Variants in FUT9 observed in about 807,000 individuals in gnomAD.
FUT9 encodes fucosyltransferase 9, also known as 4-galactosyl-N-acetylglucosaminide 3-alpha-L-fucosyltransferase 9.
In FUT9, 15 loss-of-function variants were observed where a neutral mutation model predicts 29.7. The observed-to-expected ratio is 0.51, with a 90% CI of 0.34 to 0.78. The LOEUF (loss-of-function observed/expected upper bound fraction) is 0.78. Among genes scored for constraint, FUT9 ranks in the 30% least tolerant of loss-of-function variants. The pLI, the probability that FUT9 is intolerant of heterozygous loss-of-function variation, is 0.01. For missense variants in FUT9, 319 were observed against 425.4 expected, an observed-to-expected ratio of 0.75 and a Z score of 2.20; for synonymous variants, 169 against 153.7, an observed-to-expected ratio of 1.10 and a Z score of -0.74.
chr6:96,019,891 C>G (rs1262582829), intron 1 of FUT9, among the ~76,000 whole-genome samples: 2 of 152,082 alleles, frequency 1.3e-5, no homozygotes, highest in Non-Finnish European at 2.9e-5. Context: ...AAATCCTGTT[C>G]TCCTGATTCC....
chr6:96,148,341 C>T (rs1287723645), intron 2 of FUT9, among the ~76,000 whole-genome samples: 4 of 152,192 alleles, frequency 2.6e-5, no homozygotes, highest in African/African-American at 7.2e-5. Context: ...TTGATTCTAA[C>T]AGCTCCACGT....
At position 96,147,265 on chromosome 6, in the gene FUT9, G is replaced by A. The variant is rs187122762; in HGVS notation, c.-9+33138G>A. Among the ~76,000 whole-genome samples, 196 of 151,268 alleles carry A rather than the reference G, an allele frequency of 1.3e-3. 1 individual carries two copies. Among genetic ancestry groups the A allele is most frequent in the African/African-American group, 4.5e-3 (185 of 41,164 alleles). On this transcript the variant is annotated intron_variant, in intron 2 of 2. Coordinates refer to ENST00000302103, the MANE Select transcript of FUT9 (RefSeq NM_006581.4). Reference sequence around the variant, plus strand: ...CAACCTCCACCTTCCGGGTTCAAGCGATTCTCCTGCCTCAGCTTCCGAGTA... The same window carrying A: ...CAACCTCCACCTTCCGGGTTCAAGCAATTCTCCTGCCTCAGCTTCCGAGTA...
chr6:96,161,571 G>T (rs1454043023), intron 2 of FUT9, among the ~76,000 whole-genome samples: 1 of 152,172 alleles, frequency 6.6e-6, no homozygotes, highest in Non-Finnish European at 1.5e-5. Flanking sequence ...ATCTTTTGAA[G>T]AATTTAAATA....
At chr6:96,033,950 C>A (rs1320363204) in intron 1 of FUT9, among the ~76,000 whole-genome samples, 1 of 150,886 alleles carries the variant, frequency 6.6e-6, no homozygotes, top group African/African-American at 2.4e-5. Context: ...TACTTAAACA[C>A]CCTAAATTAA....
chr6:96,019,834 C>A (rs867662963), intron 1 of FUT9, among the ~76,000 whole-genome samples: 1 of 152,104 alleles, frequency 6.6e-6, no homozygotes, highest in Non-Finnish European at 1.5e-5. Flanking sequence ...TGTTACTCTA[C>A]TAATGACTTG....
At chr6:96,071,802 T>G (rs1490476168) in intron 1 of FUT9, among the ~76,000 whole-genome samples, 2 of 139,512 alleles carry the variant, frequency 1.4e-5, no homozygotes, top group East Asian at 4.6e-4. Flanking sequence ...AAAATTTAAG[T>G]TTTTTTTTCT....
intron 2 of FUT9, among the ~76,000 whole-genome samples, chr6:96,153,193 A>T (rs976850381): frequency 6.6e-6 from 1 of 152,224 alleles, no homozygotes; most frequent in Non-Finnish European, 1.5e-5. Context: ...TTAAGAATCC[A>T]AATTTGGTAA....
chr6:96,093,548 A>T (rs900491780), intron 1 of FUT9, among the ~76,000 whole-genome samples: 9 of 152,132 alleles, frequency 5.9e-5, no homozygotes, highest in African/African-American at 1.9e-4. Context: ...AAGAAATTAC[A>T]TTGAAGAGTT....
chr6:96,046,348 T>C (rs999831211), intron 1 of FUT9, among the ~76,000 whole-genome samples: 1 of 152,206 alleles, frequency 6.6e-6, no homozygotes, highest in African/African-American at 2.4e-5. Flanking sequence ...AATTGTTGCA[T>C]GTCACTGAAT....
chr6:96,114,004 AACTAACATACT>A (rs1771865228), intron 1 of FUT9, 24 bp from the exon 2 acceptor site: 1 of 152,228 alleles, frequency 6.6e-6, no homozygotes, highest in Non-Finnish European at 1.5e-5. Flanking sequence ...CAGTGCATTT[AACTAACATACT>A]ACTTTATTTC....
At chr6:96,088,188 A>T (rs1237206303) in intron 1 of FUT9, among the ~76,000 whole-genome samples, 1 of 152,172 alleles carries the variant, frequency 6.6e-6, no homozygotes, top group Non-Finnish European at 1.5e-5. Flanking sequence ...ATGTATAGCT[A>T]TGTAACAAAC....
intron 2 of FUT9, among the ~76,000 whole-genome samples, chr6:96,164,685 AG>A (rs1345021482): frequency 6.6e-6 from 1 of 152,164 alleles, no homozygotes; most frequent in Non-Finnish European, 1.5e-5. Context: ...AAAGAAAGGA[AG>A]GCAAAATGAG....
At chr6:96,143,134 A>G (rs547559654) in intron 2 of FUT9, among the ~76,000 whole-genome samples, 2 of 152,332 alleles carry the variant, frequency 1.3e-5, no homozygotes, top group South Asian at 4.1e-4. Flanking sequence ...ACAATTAGGT[A>G]GAAGAGGTGA....
intron 1 of FUT9, among the ~76,000 whole-genome samples, chr6:96,062,763 T>C (rs1373121954): frequency 6.6e-6 from 1 of 151,956 alleles, no homozygotes; most frequent in African/African-American, 2.4e-5. Flanking sequence ...TTTATAAAAA[T>C]AAGAGGAAAA....
intron 1 of FUT9, among the ~76,000 whole-genome samples, chr6:96,025,036 A>G (rs959749534): frequency 6.6e-6 from 1 of 151,842 alleles, no homozygotes; most frequent in Non-Finnish European, 1.5e-5. Context: ...ATTTGCCATG[A>G]TTCCTTGAGA....
chr6:96,140,496 T>C (rs1026403726), intron 2 of FUT9, among the ~76,000 whole-genome samples: 2 of 152,230 alleles, frequency 1.3e-5, no homozygotes, highest in Non-Finnish European at 2.9e-5. Context: ...ACCAATTTAC[T>C]GTATTAGTCC....
intron 1 of FUT9, among the ~76,000 whole-genome samples, chr6:96,102,058 A>G (rs897365353): frequency 1.3e-5 from 2 of 152,164 alleles, no homozygotes; most frequent in Admixed American, 6.5e-5. Context: ...ATCAGAGGTT[A>G]TTTCAATAAA....
chr6:96,091,901 A>C (rs1031456810), intron 1 of FUT9, among the ~76,000 whole-genome samples: 4 of 152,148 alleles, frequency 2.6e-5, no homozygotes. Context: ...TCAGAAATAA[A>C]GTTTCCATAC....
At chr6:96,053,372 C>T (rs1487880073) in intron 1 of FUT9, among the ~76,000 whole-genome samples, 1 of 152,050 alleles carries the variant, frequency 6.6e-6, no homozygotes, top group Non-Finnish European at 1.5e-5. Flanking sequence ...TGAAAAAAAA[C>T]TCCAACAACT....
Sources: allele counts gnomAD v4.1 joint callset (sites outside exome capture counted in the v4.1 genomes callset), GRCh38; gene constraint gnomAD v4.1.1; transcripts MANE v1.5; gene names NCBI Gene and HGNC (gene_info 2026-07-23, HGNC 2026-07-21).